The following ZEB1 variants were observed in gnomAD, a reference collection of about 807,000 sequenced individuals.
The protein encoded by ZEB1 is zinc finger E-box binding homeobox 1, also known as zinc finger E-box-binding homeobox 1.
In ZEB1, 21 loss-of-function variants were observed where a neutral mutation model predicts 84.9. The ratio of observed to expected loss-of-function variants is 0.25; its 90% CI spans 0.18 to 0.36. The LOEUF (loss-of-function observed/expected upper bound fraction) is 0.36. Among genes scored for constraint, ZEB1 ranks in the 10% least tolerant of loss-of-function variants. The pLI is 1.00. For synonymous variants in ZEB1, 420 were observed against 471.1 expected (o/e 0.89, Z 1.41); for missense variants, 1,104 against 1,330.2 (o/e 0.83, Z 2.65).
At chr10:31,332,000 T>C (rs1211561796) in intron 1 of ZEB1, among the ~76,000 whole-genome samples, 1 of 152,204 alleles carries the variant, frequency 6.6e-6, no homozygotes, top group Non-Finnish European at 1.5e-5. Flanking sequence ...TTATGTTTCT[T>C]TATATACTCA....
At chr10:31,425,029 T>C (rs926054953) in intron 1 of ZEB1, among the ~76,000 whole-genome samples, 1 of 151,978 alleles carries the variant, frequency 6.6e-6, no homozygotes, top group Non-Finnish European at 1.5e-5. Flanking sequence ...ACTCTTTTCT[T>C]ACAGAAAATT....
At chr10:31,455,476 A>G (rs920993364) in intron 1 of ZEB1, among the ~76,000 whole-genome samples, 11 of 152,358 alleles carry the variant, frequency 7.2e-5, no homozygotes, top group Admixed American at 2.0e-4. Context: ...TGAATAGGCA[A>G]CCTACAGAAT....
chr10:31,413,344 G>A lies in ZEB1; in HGVS notation c.59-47693G>A, dbSNP rs1432828893. On this transcript the variant is annotated intron_variant, in intron 1 of 8. Coordinates refer to ENST00000424869, the MANE Select transcript of ZEB1 (RefSeq NM_001174096.2). ...CTGCCAGAATAGTCTAGCAAAAAATGCATTTTTTTCTTTAGCCTAGGGAAA... is the reference window on the plus strand; with the variant it reads ...CTGCCAGAATAGTCTAGCAAAAAATACATTTTTTTCTTTAGCCTAGGGAAA... Among the ~76,000 whole-genome samples, 11 of 152,204 alleles carry A rather than the reference G, an allele frequency of 7.2e-5. No individual in the cohort carries two copies. The East Asian group carries it at 2.1e-3, about 29-fold the overall frequency.
At chr10:31,409,347 A>T (rs2053773043) in intron 1 of ZEB1, among the ~76,000 whole-genome samples, 3 of 152,128 alleles carry the variant, frequency 2.0e-5, no homozygotes, top group African/African-American at 7.2e-5. Context: ...GCGATTCCTC[A>T]GGGATCTAGA....
At chr10:31,422,608 A>G (rs1034579873) in intron 1 of ZEB1, among the ~76,000 whole-genome samples, 1 of 152,164 alleles carries the variant, frequency 6.6e-6, no homozygotes, top group African/African-American at 2.4e-5. Flanking sequence ...TTGGAAGAAC[A>G]TAGCTTTCAT....
At chr10:31,338,744 C>A (rs1439366200) in intron 1 of ZEB1, among the ~76,000 whole-genome samples, 2 of 151,774 alleles carry the variant, frequency 1.3e-5, no homozygotes, top group Middle Eastern at 3.4e-3. Flanking sequence ...GGCAAAAGTA[C>A]CTGTTAGTCT....
intron 1 of ZEB1, among the ~76,000 whole-genome samples, chr10:31,407,665 C>T (rs1449225064): frequency 1.3e-5 from 2 of 152,106 alleles, no homozygotes; most frequent in African/African-American, 2.4e-5. Context: ...TCAATAGATG[C>T]AGAAAAGGCC....
chr10:31,394,376 AT>A (rs908718382), intron 1 of ZEB1, among the ~76,000 whole-genome samples: 66 of 151,846 alleles, frequency 4.3e-4, no homozygotes, highest in Non-Finnish European at 8.4e-4. Flanking sequence ...TGACGCTCAG[AT>A]TTTTTTTTCT....
At chr10:31,361,217 G>A in intron 1 of ZEB1, 10 of 1,610,490 alleles carry the variant, frequency 6.2e-6, no homozygotes, top group East Asian at 2.2e-5. Context: ...GTTTCAGGAC[G>A]CAGTCTTGCT....
chr10:31,527,463 C>A lies in ZEB1; in HGVS notation c.*199C>A. 1 of 688,818 alleles carries A rather than the reference C, an allele frequency of 1.5e-6. No individual in the cohort carries two copies. Among genetic ancestry groups the A allele is most frequent in the East Asian group, 3.0e-5 (1 of 33,184 alleles). The allele number at this position is 688,818 out of a possible 1,614,324, so 42.7% of individuals were successfully genotyped here. A position where few individuals can be genotyped will look rare whatever the true frequency, so the allele number is the denominator to read the frequency against. On this transcript the variant is annotated 3_prime_UTR_variant, in exon 9 of 9. Coordinates refer to ENST00000424869, the MANE Select transcript of ZEB1 (RefSeq NM_001174096.2). Reference sequence around the variant, plus strand: ...CACACACACACACACAAAATAAATCCGGGTGTGCCTGAACCTCAGACCTAG... The same window carrying A: ...CACACACACACACACAAAATAAATCAGGGTGTGCCTGAACCTCAGACCTAG...
intron 1 of ZEB1, among the ~76,000 whole-genome samples, chr10:31,432,549 A>G (rs190299664): frequency 6.6e-6 from 1 of 152,286 alleles, no homozygotes; most frequent in Admixed American, 6.5e-5. Context: ...TGATCATGCC[A>G]CTGCACTCCA....
At chr10:31,479,457 T>C (rs983295249) in intron 2 of ZEB1, among the ~76,000 whole-genome samples, 3 of 151,876 alleles carry the variant, frequency 2.0e-5, no homozygotes, top group Non-Finnish European at 4.4e-5. Flanking sequence ...AAGAAAATTA[T>C]AGGCCAGCAT....
chr10:31,319,291 C>T lies in ZEB1; in HGVS notation c.57C>T (p.Asn19=), dbSNP rs1030062371. 10 of 1,605,924 alleles carry T rather than the reference C, an allele frequency of 6.2e-6. No individual in the cohort carries two copies. In the African/African-American group the frequency reaches 1.1e-4, roughly 17 times the overall value. ...AGCAGGCGAACCCGCGGCGCAATAA[C>T]GGTGAGTGGCGGAGGGGACCGGGGA... is the stretch of plus-strand genomic sequence containing the variant. ...RRKQANPRRN[N]VTNYNTVVET... is the part of the protein sequence containing the mutation. The change falls in exon 1 of 9, where the codon AAC becomes AAT. Residue 19 remains asparagine (N), a splice_region_variant and synonymous_variant. Coordinates refer to ENST00000424869, the MANE Select transcript of ZEB1 (RefSeq NM_001174096.2).
chr10:31,326,919 A>T (rs963259034), intron 1 of ZEB1, among the ~76,000 whole-genome samples: 1 of 152,002 alleles, frequency 6.6e-6, no homozygotes, highest in Admixed American at 6.6e-5. Flanking sequence ...ACTATTCCCA[A>T]TTTCAGCTCC....
At chr10:31,365,429 A>G (rs1168365416) in intron 1 of ZEB1, among the ~76,000 whole-genome samples, 6 of 152,210 alleles carry the variant, frequency 3.9e-5, no homozygotes, top group Non-Finnish European at 5.9e-5. Flanking sequence ...GAAACCATCT[A>G]TATTCAAAGA....
intron 1 of ZEB1, among the ~76,000 whole-genome samples, chr10:31,322,718 G>T (rs12247408): frequency 1.3e-5 from 2 of 149,592 alleles, no homozygotes; most frequent in Non-Finnish European, 3.0e-5. Context: ...TTCTTTTTCT[G>T]CTTTCTTCTA....
rs1374156498 is a variant in ZEB1 at position 31,524,051 on chromosome 10, A to G, written c.2723A>G (p.Asp908Gly). 6.2e-7 allele frequency: 1 copy of G among 1,613,974 alleles called. No individual in the cohort carries two copies. The change falls in exon 8 of 9, where the codon GAT becomes GGT. Residue 908 changes from aspartate to glycine, a missense_variant. Transcript: ENST00000424869. ...RKTENGMYAC[D>G]LCDKIFQKSS... Reference sequence around the variant, plus strand: ...ACAGAAAATGGAATGTATGCTTGTGATTTGTGTGACAAGATATTCCAAAAG... The same window carrying G: ...ACAGAAAATGGAATGTATGCTTGTGGTTTGTGTGACAAGATATTCCAAAAG...
intron 1 of ZEB1, among the ~76,000 whole-genome samples, chr10:31,346,006 C>T (rs951602411): frequency 6.6e-6 from 1 of 152,064 alleles, no homozygotes; most frequent in African/African-American, 2.4e-5. Context: ...CTGAGAACCT[C>T]AAAAAGTTAT....
chr10:31,452,232 C>CTTTAATTTTTTAGA (rs1270129148), intron 1 of ZEB1, among the ~76,000 whole-genome samples: 27 of 151,862 alleles, frequency 1.8e-4, no homozygotes, highest in African/African-American at 6.0e-4. Context: ...CATTATGATA[C>CTTTAATTTTTTAGA]CTATTTTTAG....
Sources: gnomAD v4.1 joint callset for allele counts (sites outside exome capture counted in the v4.1 genomes callset) on GRCh38, gnomAD v4.1.1 for gene constraint, MANE v1.5 for transcripts, NCBI Gene and HGNC (gene_info 2026-07-23, HGNC 2026-07-21) for gene names.